HIP1: variants seen among roughly 807,000 people sequenced by gnomAD.
The protein encoded by HIP1 is huntingtin interacting protein 1.
Under a neutral mutation model 147.6 loss-of-function variants are expected in HIP1, and 65 were observed. That is an observed-to-expected ratio of 0.44 (90% CI 0.36 to 0.54). The LOEUF is 0.54. Among genes scored for constraint, HIP1 ranks in the 20% least tolerant of loss-of-function variants. The pLI is 0.00. For missense variants in HIP1, 1,061 were observed against 1,299.6 expected, an observed-to-expected ratio of 0.82 and a Z score of 2.82; for synonymous variants, 479 against 504.0, an observed-to-expected ratio of 0.95 and a Z score of 0.67.
chr7:75,696,672 C>A, intron 1 of HIP1, among the ~76,000 whole-genome samples: 1 of 149,246 alleles, frequency 6.7e-6, no homozygotes, highest in African/African-American at 2.5e-5. Flanking sequence ...ATGATCTTGG[C>A]TCACTGCAGC....
At chr7:75,544,884 G>A (rs1410048312) in intron 26 of HIP1, 84 bp from the exon 27 acceptor site, 24 of 924,128 alleles carry the variant, frequency 2.6e-5, no homozygotes, top group East Asian at 2.2e-4. Flanking sequence ...CCACCCCATC[G>A]CCCTTGGCTA....
At chr7:75,613,273 G>T (rs1207363815) in intron 1 of HIP1, among the ~76,000 whole-genome samples, 1 of 152,150 alleles carries the variant, frequency 6.6e-6, no homozygotes, top group African/African-American at 2.4e-5. Flanking sequence ...GAGCCTGGGA[G>T]AGTAGAGGGA....
intron 1 of HIP1, among the ~76,000 whole-genome samples, chr7:75,681,442 G>C (rs1009754487): frequency 6.8e-5 from 10 of 146,334 alleles, no homozygotes; most frequent in Admixed American, 3.5e-4. Context: ...CCTTCCTGCT[G>C]CCCCTAGACC....
intron 1 of HIP1, among the ~76,000 whole-genome samples, chr7:75,607,224 T>G (rs1206366714): frequency 6.9e-6 from 1 of 145,930 alleles, no homozygotes; most frequent in Non-Finnish European, 1.5e-5. Context: ...AAGAGTTGTT[T>G]TTTGTTTTGT....
chr7:75,664,021 TATATGTGTATATATATACAC>T (rs1799425553), intron 1 of HIP1, among the ~76,000 whole-genome samples: 2 of 23,464 alleles, frequency 8.5e-5, no homozygotes, highest in Non-Finnish European at 1.4e-4. Context: ...TATATACACA[TATATGTGTATATATATACAC>T]ATATATGTGT....
chr7:75,618,386 A>G (rs1797737651), intron 1 of HIP1, among the ~76,000 whole-genome samples: 2 of 152,072 alleles, frequency 1.3e-5, no homozygotes, highest in Non-Finnish European at 2.9e-5. Context: ...CCTGACCTCA[A>G]GTGTTTCATC....
At chr7:75,638,809 G>C (rs1554510043) in intron 1 of HIP1, among the ~76,000 whole-genome samples, 1 of 152,146 alleles carries the variant, frequency 6.6e-6, no homozygotes. Context: ...AGTCCAGCGC[G>C]ATCTCCCGGG....
At chr7:75,583,754 ATTTGTGTGTGTG>A (rs1179916976) in intron 5 of HIP1, among the ~76,000 whole-genome samples, 2 of 83,614 alleles carry the variant, frequency 2.4e-5, no homozygotes. Flanking sequence ...ATGCGGGCTA[ATTTGTGTGTGTG>A]TGTGTGTGTG....
At chr7:75,598,203 C>T (rs587750892) in intron 2 of HIP1, among the ~76,000 whole-genome samples, 202 of 152,168 alleles carry the variant, frequency 1.3e-3, no homozygotes, top group African/African-American at 4.7e-3. Context: ...TCAAGGCCAG[C>T]CTGGCCAACA....
chr7:75,639,571 G>GTGTGT lies in HIP1; in HGVS notation c.121-40329_121-40325dup, dbSNP rs1331677030. On this transcript the variant is annotated intron_variant, in intron 1 of 30. Transcript: ENST00000336926. ...CCGGCCCGCCAGGAAGCGTGTGTGT[G>GTGTGT]TGTGTGTGTGTGTGTGTGTGTGCGC... Among the ~76,000 whole-genome samples the GTGTGT allele has an allele frequency of 6.7e-5, 10 of 149,058 alleles. No homozygotes were observed. The East Asian group carries it at 2.0e-3, about 30-fold the overall frequency.
chr7:75,689,985 G>A (rs1554517965), intron 1 of HIP1, among the ~76,000 whole-genome samples: 3 of 151,972 alleles, frequency 2.0e-5, no homozygotes, highest in South Asian at 2.1e-4. Flanking sequence ...TTTTTTTTCC[G>A]AAAGAGGGTC....
intron 1 of HIP1, among the ~76,000 whole-genome samples, chr7:75,671,124 G>A (rs544913558): frequency 1.3e-5 from 2 of 151,932 alleles, no homozygotes; most frequent in South Asian, 2.1e-4. Context: ...ATGGAGTTTC[G>A]CTCTTGTTGC....
At chr7:75,576,581 G>T (rs1409703985) in intron 7 of HIP1, among the ~76,000 whole-genome samples, 1 of 152,142 alleles carries the variant, frequency 6.6e-6, no homozygotes, top group Non-Finnish European at 1.5e-5. Context: ...AATTGGCCAG[G>T]TGTGGTAGCG....
intron 1 of HIP1, among the ~76,000 whole-genome samples, chr7:75,720,527 C>T (rs76452705): frequency 0.042 from 6,337 of 152,258 alleles, 144 homozygotes; most frequent in Middle Eastern, 0.068. Context: ...GGCTGACCCC[C>T]ACTTCTAAAA....
At chr7:75,639,255 AG>A in intron 1 of HIP1, 2 of 356,384 alleles carry the variant, frequency 5.6e-6, no homozygotes, top group Non-Finnish European at 6.2e-6. Context: ...GGGGAGGGGG[AG>A]GGGAGGCGGC....
In HIP1 at chr7:75,633,940, C is replaced by G. The variant is rs926633432; in HGVS notation, c.121-34693G>C. ...AAGCAGTGAGATTCAGGAAGAAACTCCTGAATTTTAAAAACAGCTATAGGG... is the reference window on the plus strand; with the variant it reads ...AAGCAGTGAGATTCAGGAAGAAACTGCTGAATTTTAAAAACAGCTATAGGG... On this transcript the variant is annotated intron_variant, in intron 1 of 30. Coordinates refer to ENST00000336926, the MANE Select transcript of HIP1 (RefSeq NM_005338.7). Among the ~76,000 whole-genome samples, 11 of 152,004 alleles carry G rather than the reference C, an allele frequency of 7.2e-5. No individual in the cohort carries two copies. In the East Asian group the frequency reaches 2.1e-3, roughly 29 times the overall value.
intron 27 of HIP1, among the ~76,000 whole-genome samples, chr7:75,543,183 C>A (rs1297602351): frequency 1.3e-5 from 2 of 152,100 alleles, no homozygotes; most frequent in African/African-American, 4.8e-5. Context: ...GGATCCCAAA[C>A]TCTAAGCATT....
chr7:75,729,969 G>C (rs1174338135), intron 1 of HIP1, among the ~76,000 whole-genome samples: 1 of 152,130 alleles, frequency 6.6e-6, no homozygotes, highest in East Asian at 1.9e-4. Context: ...GCACTCAACA[G>C]AATGCGGCTG....
chr7:75,629,743 T>C (rs1311066996), intron 1 of HIP1, among the ~76,000 whole-genome samples: 1 of 152,056 alleles, frequency 6.6e-6, no homozygotes, highest in African/African-American at 2.4e-5. Flanking sequence ...GTTTTCTCCA[T>C]GTTGGTCAGG....
Sources: gnomAD v4.1 joint callset for allele counts (sites outside exome capture counted in the v4.1 genomes callset) on GRCh38, gnomAD v4.1.1 for gene constraint, MANE v1.5 for transcripts, NCBI Gene and HGNC (gene_info 2026-07-23, HGNC 2026-07-21) for gene names.